The following RIMKLB variants were observed in gnomAD, a reference collection of about 807,000 sequenced individuals.
RIMKLB encodes the protein ribosomal modification protein rimK like family member B.
A neutral mutation model predicts 32.0 loss-of-function variants in RIMKLB; 7 were observed. The ratio of observed to expected loss-of-function variants is 0.22; its 90% CI spans 0.12 to 0.41. RIMKLB has a LOEUF of 0.41. RIMKLB is among the 10% of genes least tolerant of loss of function. The probability of loss-of-function intolerance (pLI) is 1.00; values close to 1 mark genes in which losing one functional copy is unlikely to be tolerated. For synonymous variants in RIMKLB, 172 were observed against 185.1 expected, an observed-to-expected ratio of 0.93 and a Z score of 0.57; for missense variants, 289 against 498.7, an observed-to-expected ratio of 0.58 and a Z score of 4.00.
chr12:8,757,652 A>G (rs1044366450), intron 5 of RIMKLB, among the ~76,000 whole-genome samples: 3 of 152,078 alleles, frequency 2.0e-5, no homozygotes, highest in African/African-American at 7.2e-5. Flanking sequence ...TCTTTCCTAT[A>G]ATGTACTTTT....
chr12:8,710,437 A>G (rs753495860), intron 1 of RIMKLB, among the ~76,000 whole-genome samples: 1 of 150,928 alleles, frequency 6.6e-6, no homozygotes, highest in East Asian at 2.0e-4. Context: ...CCTCCCGAGT[A>G]GCTGGGATTA....
rs151013728 is a variant in RIMKLB at position 8,691,644 on chromosome 12, A to C, written n.219+9826A>C. Reference sequence around the variant, plus strand: ...CAAACAAAAAAGAAAAGAATTAGGAAATAGGACAGGTTAAGAATTTAGATT... The same window carrying C: ...CAAACAAAAAAGAAAAGAATTAGGACATAGGACAGGTTAAGAATTTAGATT... On this transcript the variant is annotated intron_variant and non_coding_transcript_variant, in intron 1 of 1. Transcript: ENST00000538758. Among the ~76,000 whole-genome samples the C allele has an allele frequency of 9.2e-5, 14 of 152,302 alleles. No individual in the cohort carries two copies. The East Asian group carries it at 2.7e-3, about 29-fold the overall frequency.
chr12:8,692,963 A>C (rs1942775557), upstream of RIMKLB, among the ~76,000 whole-genome samples: 1 of 152,236 alleles, frequency 6.6e-6, no homozygotes, highest in Non-Finnish European at 1.5e-5. Flanking sequence ...TAGATAATCC[A>C]CAAAGAACAC....
upstream of RIMKLB, among the ~76,000 whole-genome samples, chr12:8,680,079 C>T (rs1345293304): frequency 6.6e-6 from 1 of 152,196 alleles, no homozygotes; most frequent in Non-Finnish European, 1.5e-5. Flanking sequence ...CCCACCAACA[C>T]CATGACAGTT....
downstream of RIMKLB, chr12:8,779,228 G>A (rs1344014889): frequency 1.3e-5 from 2 of 152,162 alleles, no homozygotes; most frequent in East Asian, 3.8e-4. Context: ...GAATACCACT[G>A]ACTTGTTAAG....
chr12:8,670,475 C>T, the RIMKLB span, among the ~76,000 whole-genome samples: 2 of 152,210 alleles, frequency 1.3e-5, no homozygotes, highest in Non-Finnish European at 2.9e-5. Flanking sequence ...AATTTTAAAG[C>T]TCCAAAATCA....
Position 8,749,939 on chromosome 12 carries a change from A to G in RIMKLB, c.253A>G (p.Ser85Gly). The G allele has an allele frequency of 6.2e-7, 1 of 1,613,908 alleles. No individual in the cohort carries two copies. The highest frequency in any genetic ancestry group is 8.5e-7 in the Non-Finnish European group (1 of 1,179,862). ...CAGAGTACCAACCCCTTGGGTGCAA[A>G]GTGATAGTGACATCACTGTTTTGCG... ...VVRVPTPWVQ[S>G]DSDITVLRHL... is the part of the protein sequence containing the mutation. Residue 85 changes from serine (S) to glycine (G), a missense_variant, in exon 3 of 6, where the codon AGT (serine) becomes GGT (glycine). Around this residue, in one of 3 missense-constraint regions of RIMKLB, gnomAD observed 156 missense variants for 329.5 expected, o/e 0.47. Transcript: ENST00000535829.
chr12:8,704,999 C>CACACACACACACACACACAAAAA (rs35908223), intron 1 of RIMKLB, among the ~76,000 whole-genome samples: 1 of 151,650 alleles, frequency 6.6e-6, no homozygotes, highest in African/African-American at 2.4e-5. Flanking sequence ...CACACACACA[C>CACACACACACACACACACAAAAA]AAAACCCCAA....
At chr12:8,743,556 A>G (rs1357668007) in intron 2 of RIMKLB, among the ~76,000 whole-genome samples, 1 of 148,760 alleles carries the variant, frequency 6.7e-6, no homozygotes, top group African/African-American at 2.6e-5. Flanking sequence ...TTAAGAGTAT[A>G]GCCAAACTCT....
intron 1 of RIMKLB, among the ~76,000 whole-genome samples, chr12:8,705,476 CAAAAA>C (rs10607711): frequency 2.8e-5 from 3 of 105,342 alleles, no homozygotes; most frequent in Non-Finnish European, 3.9e-5. Flanking sequence ...GACTCCATCT[CAAAAA>C]AAAAAAAAAA....
downstream of RIMKLB, chr12:8,777,729 C>A: frequency 2.4e-6 from 3 of 1,249,122 alleles, no homozygotes; most frequent in South Asian, 1.4e-5. Context: ...CTCCCCTTCC[C>A]CCAATAATGC....
chr12:8,679,166 G>A (rs750261082), upstream of RIMKLB: 1 of 152,156 alleles, frequency 6.6e-6, no homozygotes, highest in Non-Finnish European at 1.5e-5. Flanking sequence ...TCTGTTTTCT[G>A]AGCCATTTAT....
upstream of RIMKLB, among the ~76,000 whole-genome samples, chr12:8,697,519 G>A (rs984737419): frequency 2.0e-5 from 3 of 152,060 alleles, no homozygotes; most frequent in African/African-American, 4.8e-5. Flanking sequence ...GCCTAAGCAG[G>A]GAATGTGAGG....
chr12:8,777,352 G>A, downstream of RIMKLB: 1 of 981,662 alleles, frequency 1.0e-6, no homozygotes, highest in Non-Finnish European at 1.2e-6. Context: ...GAATCTTCTA[G>A]TCTTCCAGGT....
intron 2 of RIMKLB, 133 bp from the exon 3 acceptor site, chr12:8,749,729 T>G (rs1948462499): frequency 1.6e-6 from 1 of 615,326 alleles, no homozygotes; most frequent in Non-Finnish European, 2.8e-6. Context: ...TTCTTAGGAG[T>G]ATCTCTATCC....
At chr12:8,707,652 A>G (rs1450016742) in intron 1 of RIMKLB, among the ~76,000 whole-genome samples, 4 of 152,144 alleles carry the variant, frequency 2.6e-5, no homozygotes, top group African/African-American at 9.7e-5. Context: ...CCCTCTAATC[A>G]TGCCTTGGTC....
At chr12:8,759,988 C>G (rs1017016447) in intron 5 of RIMKLB, among the ~76,000 whole-genome samples, 5 of 152,060 alleles carry the variant, frequency 3.3e-5, no homozygotes, top group Middle Eastern at 3.2e-3. Context: ...GGTACATGTG[C>G]ACAACGTGCA....
rs780682229 is a variant in RIMKLB at position 8,773,626 on chromosome 12, C to T, written c.1003C>T (p.Pro335Ser). The change falls in exon 6 of 6, where the codon CCC becomes TCC. Residue 335 changes from proline to serine, a missense_variant. By Grantham distance (74) the Pro-to-Ser change is moderately conservative. This residue lies in a region of RIMKLB where 99 missense variants were observed against 133.9 expected (regional missense o/e 0.74). Transcript: ENST00000535829. ...TGAGACTAGTGAGCCGGAGCTGGGTCCCCCAGCCAGCACTGCTGTTGACAA... is the reference window on the plus strand; with the variant it reads ...TGAGACTAGTGAGCCGGAGCTGGGTTCCCCAGCCAGCACTGCTGTTGACAA... ...ASETSEPELG[P>S]PASTAVDNMS... 2 of 1,614,226 alleles carry T rather than the reference C, an allele frequency of 1.2e-6. No homozygotes were observed. Among genetic ancestry groups the T allele is most frequent in the Non-Finnish European group, 1.7e-6 (2 of 1,180,038 alleles).
At chr12:8,690,369 T>A (rs1429332768) in intron 1 of RIMKLB, among the ~76,000 whole-genome samples, 3 of 152,146 alleles carry the variant, frequency 2.0e-5, no homozygotes, top group Admixed American at 1.3e-4. Flanking sequence ...ACCATTATTT[T>A]TCACGTTAGT....
Sources: allele counts gnomAD v4.1 joint callset (sites outside exome capture counted in the v4.1 genomes callset), GRCh38; gene constraint gnomAD v4.1.1; regional missense constraint gnomAD v4.1.1; transcripts MANE v1.5; gene names NCBI Gene and HGNC (gene_info 2026-07-23, HGNC 2026-07-21).